The following MYO1E variants were observed in gnomAD, a reference collection of about 807,000 sequenced individuals.
The protein encoded by MYO1E is myosin IE.
MYO1E carries 68 observed loss-of-function variants against 151.1 expected under a neutral mutation model. The ratio of observed to expected loss-of-function variants is 0.45; its 90% CI spans 0.37 to 0.55. The LOEUF (loss-of-function observed/expected upper bound fraction) is 0.55, where lower values mean the gene tolerates loss of function less well. Ranked by LOEUF, MYO1E falls within the 20% of genes least tolerant of loss-of-function variation. The pLI, the probability that MYO1E is intolerant of heterozygous loss-of-function variation, is 0.00. For synonymous variants in MYO1E, 601 were observed against 501.7 expected (o/e 1.20, Z -2.64); for missense variants, 1,363 against 1,389.3 (o/e 0.98, Z 0.30).
rs184942400 is a variant in MYO1E at position 59,328,677 on chromosome 15, G to A, written c.3+43821C>T. Among the ~76,000 whole-genome samples the A allele has an allele frequency of 1.5e-3, 223 of 152,310 alleles. 6 individuals are homozygous for A. The Middle Eastern group carries it at 0.027, about 19-fold the overall frequency. On this transcript the variant is annotated intron_variant, in intron 1 of 27. Transcript: ENST00000288235. ...TTTGATCAACCTGCTACACATAGCT[G>A]TTCTGTGTGGAGGGGACCTCATCAG...
intron 5 of MYO1E, among the ~76,000 whole-genome samples, chr15:59,234,219 T>TGGAC (rs1266441959): frequency 1.0e-5 from 1 of 99,654 alleles, no homozygotes; most frequent in African/African-American, 3.0e-5. Flanking sequence ...CACTGATGGA[T>TGGAC]GGATGGATGG....
At chr15:59,305,336 A>G (rs531919039) in intron 1 of MYO1E, among the ~76,000 whole-genome samples, 1 of 152,192 alleles carries the variant, frequency 6.6e-6, no homozygotes, top group Admixed American at 6.5e-5. Flanking sequence ...TGGGACTACA[A>G]GCACACACCA....
At chr15:59,170,441 T>C (rs1178692026) in intron 22 of MYO1E, among the ~76,000 whole-genome samples, 1 of 152,180 alleles carries the variant, frequency 6.6e-6, no homozygotes, top group Non-Finnish European at 1.5e-5. Flanking sequence ...AAGCAGGAGC[T>C]TCCTGTTGGG....
chr15:59,246,207 T>A (rs569534738), intron 4 of MYO1E, among the ~76,000 whole-genome samples: 5 of 152,280 alleles, frequency 3.3e-5, no homozygotes, highest in Admixed American at 3.3e-4. Context: ...AACCTCTGCC[T>A]CCTGGGTTCA....
intron 12 of MYO1E, among the ~76,000 whole-genome samples, chr15:59,211,542 C>T (rs886399420): frequency 6.6e-5 from 10 of 152,138 alleles, no homozygotes; most frequent in Non-Finnish European, 2.9e-5. Flanking sequence ...TACCTCGCCA[C>T]GGGGTTCCAG....
At chr15:59,239,004 G>A (rs1032742751) in intron 4 of MYO1E, among the ~76,000 whole-genome samples, 5 of 151,124 alleles carry the variant, frequency 3.3e-5, no homozygotes, top group Admixed American at 2.6e-4. Flanking sequence ...TCAGGAGTTC[G>A]AGACCAGCCT....
intron 15 of MYO1E, among the ~76,000 whole-genome samples, chr15:59,205,149 G>C (rs1205718885): frequency 6.6e-6 from 1 of 152,152 alleles, no homozygotes; most frequent in East Asian, 1.9e-4. Context: ...GTTTTGTTTT[G>C]TTTTTGTTTT....
intron 1 of MYO1E, among the ~76,000 whole-genome samples, chr15:59,370,704 G>C (rs1162589721): frequency 6.6e-6 from 1 of 152,144 alleles, no homozygotes; most frequent in Admixed American, 6.6e-5. Flanking sequence ...CACAGGTTTC[G>C]GAAAAGGCAA....
intron 27 of MYO1E, 111 bp downstream of exon 27, chr15:59,138,087 A>T: frequency 7.5e-7 from 1 of 1,341,938 alleles, no homozygotes; most frequent in Non-Finnish European, 1.1e-6. Context: ...TGCCTCTACA[A>T]ATTGCAGTTT....
In MYO1E at chr15:59,151,734, G is replaced by A. The variant is rs143117849; in HGVS notation, c.3080+1856C>T. 9.8e-3 allele frequency among the ~76,000 whole-genome samples: 1,497 copies of A among 152,016 alleles called. 29 individuals are homozygous for A. The highest frequency in any genetic ancestry group is 0.034 in the African/African-American group (1,400 of 41,440). The stretch of plus-strand genomic sequence containing the variant: ...TTGAGACCAGCCTGGCCAACATGGC[G>A]AAACCCTGTCTCTACTAAAAGTAAA... On this transcript the variant is annotated intron_variant, in intron 26 of 27. Transcript: ENST00000288235.
At chr15:59,363,149 T>C (rs1322076393) in intron 1 of MYO1E, among the ~76,000 whole-genome samples, 2 of 152,132 alleles carry the variant, frequency 1.3e-5, no homozygotes, top group Non-Finnish European at 2.9e-5. Context: ...CTAATTTTTT[T>C]TGCATTGTTA....
intron 7 of MYO1E, among the ~76,000 whole-genome samples, chr15:59,225,486 T>C (rs924660038): frequency 1.3e-5 from 2 of 152,176 alleles, no homozygotes; most frequent in Admixed American, 6.5e-5. Flanking sequence ...TGCAGGATCC[T>C]GGCTTTCCTC....
rs1231049877 is a variant in MYO1E, at chr15:59,350,911, T to C, written c.3+21587A>G. ...TGGTTGGTTTTTTGTTTTTTGTCTT[T>C]TTTGAGACGGAGTCTCGCTCTGTCA... On this transcript the variant is annotated intron_variant, in intron 1 of 27. Transcript: ENST00000288235. This position sits in a 1 kb window ranked among gnomAD's most constrained non-coding sequence, Gnocchi z 5.0. 6.6e-6 allele frequency among the ~76,000 whole-genome samples: 1 copy of C among 152,226 alleles called. No individual in the cohort carries two copies. The highest frequency in any genetic ancestry group is 2.4e-5 in the African/African-American group (1 of 41,456).
intron 24 of MYO1E, among the ~76,000 whole-genome samples, chr15:59,158,752 C>A (rs1361824980): frequency 2.6e-5 from 4 of 152,192 alleles, no homozygotes; most frequent in Non-Finnish European, 4.4e-5. Context: ...ACTAATGCTG[C>A]GGATCAACGG....
chr15:59,213,113 T>C (rs992179174), intron 12 of MYO1E, among the ~76,000 whole-genome samples: 3 of 149,634 alleles, frequency 2.0e-5, no homozygotes, highest in Non-Finnish European at 4.4e-5. Flanking sequence ...CAGGAAACAA[T>C]GGAAACTGCA....
intron 26 of MYO1E, among the ~76,000 whole-genome samples, chr15:59,147,596 C>CAAAAAAAAAAAAAAAAAA (rs748173480): frequency 5.0e-4 from 33 of 66,074 alleles, no homozygotes; most frequent in East Asian, 1.4e-3. Context: ...GACTCTGTCT[C>CAAAAAAAAAAAAAAAAAA]AAAAAAAAAA....
At chr15:59,314,432 G>A (rs567312889) in intron 1 of MYO1E, among the ~76,000 whole-genome samples, 19 of 152,272 alleles carry the variant, frequency 1.2e-4, no homozygotes, top group African/African-American at 4.1e-4. Flanking sequence ...GATACCTATT[G>A]AGTTGCCTGC....
intron 25 of MYO1E, among the ~76,000 whole-genome samples, chr15:59,155,879 T>C (rs996600316): frequency 3.0e-5 from 3 of 98,426 alleles, no homozygotes; most frequent in Non-Finnish European, 6.4e-5. Flanking sequence ...TGGGGGTGGA[T>C]GGGGAGGGGA....
At chr15:59,205,522 C>T (rs1274179171) in intron 14 of MYO1E, 37 bp from the exon 15 acceptor site, 1 of 1,542,758 alleles carries the variant, frequency 6.5e-7, no homozygotes, top group Non-Finnish European at 9.0e-7. Flanking sequence ...TTTCATTGAA[C>T]AAAATGTAAT....
Sources: gnomAD v4.1 joint callset for allele counts (sites outside exome capture counted in the v4.1 genomes callset) on GRCh38, gnomAD v4.1.1 for gene constraint, Gnocchi (gnomAD v3.1) non-coding constraint, MANE v1.5 for transcripts, NCBI Gene and HGNC (gene_info 2026-07-23, HGNC 2026-07-21) for gene names.